The following RALGPS1 variants were observed in gnomAD, a reference collection of about 807,000 sequenced individuals.
The protein encoded by RALGPS1 is Ral GEF with PH domain and SH3 binding motif 1.
In RALGPS1, 19 loss-of-function variants were observed where a neutral mutation model predicts 78.8. The ratio of observed to expected loss-of-function variants is 0.24; its 90% confidence interval spans 0.17 to 0.35. The LOEUF is 0.35. Ranked by LOEUF, RALGPS1 falls within the 10% of genes least tolerant of loss-of-function variation. The pLI, the probability that RALGPS1 is intolerant of heterozygous loss-of-function variation, is 1.00. For missense variants in RALGPS1, 454 were observed against 688.3 expected, an observed-to-expected ratio of 0.66 and a Z score of 3.81; for synonymous variants, 228 against 256.3, an observed-to-expected ratio of 0.89 and a Z score of 1.06.
At chr9:127,127,067 G>A (rs1359316430) in intron 8 of RALGPS1, among the ~76,000 whole-genome samples, 1 of 152,200 alleles carries the variant, frequency 6.6e-6, no homozygotes, top group Non-Finnish European at 1.5e-5. Context: ...CAGTTTAGGA[G>A]TTAGCTAAGG....
chr9:126,968,766 C>T (rs1023281050), intron 3 of RALGPS1, among the ~76,000 whole-genome samples: 10 of 152,094 alleles, frequency 6.6e-5, no homozygotes, highest in African/African-American at 9.7e-5. Context: ...TTCTAGTAAT[C>T]GTCCGGGCGC....
intron 8 of RALGPS1, among the ~76,000 whole-genome samples, chr9:127,081,385 A>G (rs969511721): frequency 1.3e-5 from 2 of 152,060 alleles, no homozygotes; most frequent in Admixed American, 6.5e-5. Flanking sequence ...CTGTGTTCCT[A>G]CCACAGGCCT....
chr9:126,963,615 T>C (rs2039136474), intron 2 of RALGPS1, among the ~76,000 whole-genome samples: 1 of 152,208 alleles, frequency 6.6e-6, no homozygotes, highest in Admixed American at 6.5e-5. Flanking sequence ...CCAGGCACTT[T>C]TTTGCATGTT....
chr9:127,097,976 G>A (rs1473519049), intron 8 of RALGPS1, among the ~76,000 whole-genome samples: 2 of 152,204 alleles, frequency 1.3e-5, no homozygotes, highest in Non-Finnish European at 2.9e-5. Flanking sequence ...GCCAGCATGG[G>A]AGCCAGCTGG....
intron 8 of RALGPS1, among the ~76,000 whole-genome samples, chr9:127,156,698 G>A (rs2139280471): frequency 6.6e-6 from 1 of 151,984 alleles, no homozygotes; most frequent in Admixed American, 6.5e-5. Flanking sequence ...TTCATGTATG[G>A]TGTTTTATTT....
intron 8 of RALGPS1, among the ~76,000 whole-genome samples, chr9:127,085,713 G>A (rs548867627): frequency 1.3e-5 from 2 of 152,172 alleles, no homozygotes; most frequent in Non-Finnish European, 2.9e-5. Flanking sequence ...GCTCTGCAGT[G>A]TCCAGCAATG....
chr9:127,175,677 CTTTTTTTTTT>C (rs11354346), intron 11 of RALGPS1, among the ~76,000 whole-genome samples: 3 of 108,982 alleles, frequency 2.8e-5, no homozygotes, highest in Non-Finnish European at 5.5e-5. Flanking sequence ...TTTGGGCCTC[CTTTTTTTTTT>C]TTTTTTTTTT....
At position 127,218,045 on chromosome 9, in the gene RALGPS1, C is replaced by T. The variant is rs1486561309; in HGVS notation, c.1645-695C>T. The stretch of plus-strand genomic sequence containing the variant: ...ATTTTTTTCCTAATTCATAGTTTGA[C>T]CAAACTGACACCAAAATGGATTTTT... On this transcript the variant is annotated intron_variant, in intron 18 of 18. Transcript: ENST00000259351. The surrounding 1 kb of genome is among the most constrained non-coding windows in gnomAD (Gnocchi z 4.4). 1.3e-5 allele frequency among the ~76,000 whole-genome samples: 2 copies of T among 152,094 alleles called. No individual in the cohort carries two copies. The highest frequency in any genetic ancestry group is 6.5e-5 in the Admixed American group (1 of 15,276).
intron 4 of RALGPS1, among the ~76,000 whole-genome samples, chr9:127,002,606 C>G (rs1479170837): frequency 8.5e-6 from 1 of 117,248 alleles, no homozygotes; most frequent in African/African-American, 3.2e-5. Flanking sequence ...CTCCCCCCAC[C>G]CCACCACAGT....
chr9:127,146,512 G>A (rs2058101165), intron 8 of RALGPS1, among the ~76,000 whole-genome samples: 1 of 149,638 alleles, frequency 6.7e-6, no homozygotes, highest in Admixed American at 6.7e-5. Flanking sequence ...ATTGTGAATA[G>A]CGCAGTGATG....
At chr9:126,975,080 G>A (rs16929503) in intron 3 of RALGPS1, among the ~76,000 whole-genome samples, 2,831 of 152,170 alleles carry the variant, frequency 0.019, 98 homozygotes, top group African/African-American at 0.064. Context: ...GCATGAAATC[G>A]ATAATCTGAT....
At chr9:127,101,585 T>A (rs1163325389) in intron 8 of RALGPS1, among the ~76,000 whole-genome samples, 1 of 152,148 alleles carries the variant, frequency 6.6e-6, no homozygotes, top group Non-Finnish European at 1.5e-5. Context: ...GAACCAATAA[T>A]AATAAATCCA....
intron 5 of RALGPS1, among the ~76,000 whole-genome samples, chr9:127,041,065 G>GTGTT (rs2047267771): frequency 6.6e-6 from 1 of 151,220 alleles, no homozygotes; most frequent in Non-Finnish European, 1.5e-5. Flanking sequence ...GTGTGTGTGT[G>GTGTT]TATGTACTAA....
At chr9:127,059,065 A>T (rs1362909452) in intron 7 of RALGPS1, among the ~76,000 whole-genome samples, 1 of 152,146 alleles carries the variant, frequency 6.6e-6, no homozygotes, top group Non-Finnish European at 1.5e-5. Context: ...CAATTCAGAG[A>T]ATTGCTCCTT....
At chr9:127,161,116 G>A (rs1037683375) in intron 8 of RALGPS1, among the ~76,000 whole-genome samples, 2 of 152,226 alleles carry the variant, frequency 1.3e-5, no homozygotes, top group African/African-American at 4.8e-5. Context: ...GTGTAAATAG[G>A]AATAGGAGCT....
intron 8 of RALGPS1, among the ~76,000 whole-genome samples, chr9:127,138,791 A>G (rs7870409): frequency 0.38 from 57,140 of 152,014 alleles, 12,658 homozygotes; most frequent in Non-Finnish European, 0.48. Flanking sequence ...CATGGAGCTC[A>G]TTAATGCAGG....
chr9:127,018,841 T>A (rs530865773), intron 4 of RALGPS1, among the ~76,000 whole-genome samples: 94 of 152,266 alleles, frequency 6.2e-4, no homozygotes, highest in African/African-American at 2.2e-3. Flanking sequence ...TGAGTTGTGC[T>A]ATAACATTTC....
At chr9:127,076,643 G>T (rs532599381) in intron 8 of RALGPS1, among the ~76,000 whole-genome samples, 5 of 152,286 alleles carry the variant, frequency 3.3e-5, no homozygotes, top group Non-Finnish European at 7.4e-5. Flanking sequence ...CTTTCAAAAA[G>T]AAGTGATCAT....
chr9:127,073,466 C>CTGTG (rs58611833), intron 8 of RALGPS1, among the ~76,000 whole-genome samples: 40 of 143,028 alleles, frequency 2.8e-4, no homozygotes, highest in East Asian at 1.4e-3. Context: ...GTGTGTGTGT[C>CTGTG]TGTGTGTGTG....
Sources: allele counts gnomAD v4.1 joint callset (sites outside exome capture counted in the v4.1 genomes callset), GRCh38; gene constraint gnomAD v4.1.1; non-coding constraint Gnocchi (gnomAD v3.1); transcripts MANE v1.5; gene names NCBI Gene and HGNC (gene_info 2026-07-23, HGNC 2026-07-21).